The following PDIA5 variants were observed in gnomAD, a reference collection of about 807,000 sequenced individuals.
PDIA5 encodes the protein protein disulfide-isomerase A5.
Under a neutral mutation model 77.6 loss-of-function variants are expected in PDIA5, and 58 were observed. The observed-to-expected ratio is 0.75, with a 90% CI of 0.61 to 0.93. The LOEUF is 0.93. PDIA5 is among the 40% of genes least tolerant of loss of function. The probability of loss-of-function intolerance (pLI) is 0.00; values close to 1 mark genes in which losing one functional copy is unlikely to be tolerated. For missense variants in PDIA5, 630 were observed against 647.7 expected (o/e 0.97, Z 0.30); for synonymous variants, 250 against 252.1 (o/e 0.99, Z 0.08).
At chr3:123,081,935 C>A (rs1934021711) in intron 1 of PDIA5, among the ~76,000 whole-genome samples, 1 of 152,194 alleles carries the variant, frequency 6.6e-6, no homozygotes, top group Non-Finnish European at 1.5e-5. Context: ...CGATCAGCCT[C>A]ATTAAGTGAG....
chr3:123,124,024 T>G (rs1935180372), intron 8 of PDIA5, 42 bp from the exon 9 acceptor site: 2 of 1,302,818 alleles, frequency 1.5e-6, no homozygotes, highest in Non-Finnish European at 2.2e-6. Flanking sequence ...AGGGTGTCTG[T>G]GGGGCACAGG....
chr3:123,126,087 G>A (rs1205377297), intron 10 of PDIA5, among the ~76,000 whole-genome samples: 2 of 152,092 alleles, frequency 1.3e-5, no homozygotes. Context: ...TTTTTTGGAA[G>A]GATAAGGTTT....
intron 12 of PDIA5, 118 bp downstream of exon 12, chr3:123,145,710 A>G: frequency 2.6e-6 from 2 of 777,812 alleles, no homozygotes; most frequent in East Asian, 5.3e-5. Context: ...GGAGGCCAGC[A>G]GTACCTCTGT....
chr3:123,069,460 T>C (rs1180661125), intron 1 of PDIA5, among the ~76,000 whole-genome samples: 1 of 152,190 alleles, frequency 6.6e-6, no homozygotes, highest in Non-Finnish European at 1.5e-5. Flanking sequence ...CTTTTTCAGT[T>C]TGGCCTGCTA....
chr3:123,079,230 G>T (rs1933931027), intron 1 of PDIA5, among the ~76,000 whole-genome samples: 1 of 140,962 alleles, frequency 7.1e-6, no homozygotes, highest in Admixed American at 8.5e-5. Flanking sequence ...GCTGAGGCTG[G>T]AGTGCAATGG....
At chr3:123,148,816 G>A (rs904753547) in intron 13 of PDIA5, among the ~76,000 whole-genome samples, 1 of 152,230 alleles carries the variant, frequency 6.6e-6, no homozygotes, top group Non-Finnish European at 1.5e-5. Context: ...CGGGAACTTG[G>A]AGGGGATCCT....
chr3:123,089,842 T>C (rs1468141818), intron 2 of PDIA5, among the ~76,000 whole-genome samples: 1 of 152,248 alleles, frequency 6.6e-6, no homozygotes, highest in South Asian at 2.1e-4. Flanking sequence ...ACAGCATTTC[T>C]TGGGGGCAGG....
In PDIA5 at chr3:123,152,425, C is replaced by T. The variant is rs181896482; in HGVS notation, c.1273+2061C>T. Among the ~76,000 whole-genome samples the T allele has an allele frequency of 5.6e-3, 848 of 152,268 alleles. 6 individuals are homozygous for T. Among genetic ancestry groups the T allele is most frequent in the Middle Eastern group, 0.014 (4 of 294 alleles). The stretch of plus-strand genomic sequence containing the variant: ...GTTACTGCGTTTTTCTGTCCCTAAA[C>T]CTTGCCCCAGGGACATACATCTTTA... On this transcript the variant is annotated intron_variant, in intron 14 of 16. Transcript: ENST00000316218.
chr3:123,096,892 G>T (rs957450946), intron 3 of PDIA5, among the ~76,000 whole-genome samples: 4 of 152,270 alleles, frequency 2.6e-5, no homozygotes, highest in African/African-American at 9.6e-5. Flanking sequence ...TGTCTGGGAA[G>T]CTGAGCTGGA....
At chr3:123,139,492 T>C (rs1039547289) in intron 11 of PDIA5, among the ~76,000 whole-genome samples, 4 of 152,212 alleles carry the variant, frequency 2.6e-5, no homozygotes, top group Admixed American at 6.5e-5. Context: ...GATGCTAGAA[T>C]TGAAAACCTT....
chr3:123,095,526 G>A (rs1332011365), intron 3 of PDIA5, among the ~76,000 whole-genome samples: 1 of 152,074 alleles, frequency 6.6e-6, no homozygotes, highest in African/African-American at 2.4e-5. Context: ...AAGGCAGGCG[G>A]ATTACCTGAG....
intron 1 of PDIA5, among the ~76,000 whole-genome samples, chr3:123,071,482 G>A (rs1020366634): frequency 1.1e-4 from 16 of 152,140 alleles, no homozygotes; most frequent in African/African-American, 3.9e-4. Context: ...TCTCTGGGAC[G>A]ATTATATATT....
chr3:123,158,791 G>A (rs367971552), intron 15 of PDIA5, among the ~76,000 whole-genome samples: 22 of 152,322 alleles, frequency 1.4e-4, no homozygotes, highest in Non-Finnish European at 2.1e-4. Context: ...TTGAGAAATC[G>A]TAGGTGTTCT....
chr3:123,086,471 G>C (rs984537230), intron 1 of PDIA5, among the ~76,000 whole-genome samples: 5 of 152,234 alleles, frequency 3.3e-5, no homozygotes, highest in African/African-American at 4.8e-5. Context: ...CTGGGATTCA[G>C]ATCCTGGCTC....
At chr3:123,128,349 C>T (rs924286136) in intron 10 of PDIA5, among the ~76,000 whole-genome samples, 5 of 152,172 alleles carry the variant, frequency 3.3e-5, no homozygotes, top group Admixed American at 2.0e-4. Context: ...GTATTCGCCT[C>T]TGTGTTTAAC....
At chr3:123,128,841 T>A (rs1023624784) in intron 10 of PDIA5, among the ~76,000 whole-genome samples, 10 of 152,246 alleles carry the variant, frequency 6.6e-5, no homozygotes, top group African/African-American at 2.4e-4. Context: ...CAGTTTCTTT[T>A]ATGTTCTTAG....
intron 7 of PDIA5, among the ~76,000 whole-genome samples, chr3:123,111,422 C>T (rs758118882): frequency 6.6e-5 from 10 of 152,270 alleles, no homozygotes; most frequent in Non-Finnish European, 1.3e-4. Flanking sequence ...CTAGCTCTGG[C>T]TCCCGCATCC....
intron 1 of PDIA5, among the ~76,000 whole-genome samples, chr3:123,085,377 A>G (rs1054421564): frequency 4.6e-5 from 7 of 152,130 alleles, no homozygotes; most frequent in Admixed American, 3.3e-4. Context: ...CCCCAGTGTC[A>G]TGCCCAGTGA....
chr3:123,076,226 A>C (rs575348690), intron 1 of PDIA5, among the ~76,000 whole-genome samples: 6 of 152,248 alleles, frequency 3.9e-5, no homozygotes, highest in African/African-American at 1.2e-4. Flanking sequence ...CCCAAGAGAA[A>C]AGCATCAGAT....
Sources: allele counts gnomAD v4.1 joint callset (sites outside exome capture counted in the v4.1 genomes callset), GRCh38; gene constraint gnomAD v4.1.1; transcripts MANE v1.5; gene names NCBI Gene and HGNC (gene_info 2026-07-23, HGNC 2026-07-21).